Variants in TIAM2 observed in about 807,000 individuals in gnomAD.
The protein encoded by TIAM2 is TIAM Rac1 associated GEF 2.
Under a neutral mutation model 152.9 loss-of-function variants are expected in TIAM2, and 80 were observed. The ratio of observed to expected loss-of-function variants is 0.52; its 90% CI spans 0.44 to 0.63. The LOEUF is 0.63. Among genes scored for constraint, TIAM2 ranks in the 30% least tolerant of loss-of-function variants. The pLI, the probability that TIAM2 is intolerant of heterozygous loss-of-function variation, is 0.00. For synonymous variants in TIAM2, 804 were observed against 838.0 expected, an observed-to-expected ratio of 0.96 and a Z score of 0.70; for missense variants, 1,965 against 2,120.1, an observed-to-expected ratio of 0.93 and a Z score of 1.44.
At chr6:155,006,560 G>A (rs2475870) in intron 1 of TIAM2, among the ~76,000 whole-genome samples, 80,866 of 150,972 alleles carry the variant, frequency 0.54, 25,066 homozygotes, top group East Asian at 0.75. Flanking sequence ...CAAATACACA[G>A]GAGGCTGAGG....
intron 1 of TIAM2, among the ~76,000 whole-genome samples, chr6:155,053,212 G>A (rs888775060): frequency 7.2e-5 from 11 of 152,222 alleles, no homozygotes; most frequent in Non-Finnish European, 1.2e-4. Context: ...TTACAGTAAA[G>A]TATATATTTG....
chr6:155,231,121 C>T lies in TIAM2; in HGVS notation c.3169-9409C>T, dbSNP rs1482395056. Among the ~76,000 whole-genome samples the T allele has an allele frequency of 5.9e-5, 9 of 152,208 alleles. No homozygotes were observed. The South Asian group carries it at 6.2e-4, about 11-fold the overall frequency. On this transcript the variant is annotated intron_variant, in intron 15 of 26. Transcript: ENST00000682666. ...CCTCCCAGAGTGCTGGGATTATAGGCGTGAGCCACTGCACCCGGCCCTACT... is the reference window on the plus strand; with the variant it reads ...CCTCCCAGAGTGCTGGGATTATAGGTGTGAGCCACTGCACCCGGCCCTACT...
chr6:155,221,497 T>G lies in TIAM2; in HGVS notation c.3168+10190T>G, dbSNP rs1206715479. Among the ~76,000 whole-genome samples, 3 of 152,308 alleles carry G rather than the reference T, an allele frequency of 2.0e-5. No individual in the cohort carries two copies. The East Asian group carries it at 5.8e-4, about 29-fold the overall frequency. On this transcript the variant is annotated intron_variant, in intron 15 of 26. Transcript: ENST00000682666. ...ACAGGCTTCTCCTTTTTCTCTCCAT[T>G]GAAACAGCGGGTGCCATGGTTTTGC...
intron 5 of TIAM2, among the ~76,000 whole-genome samples, chr6:155,140,236 T>C (rs1417007957): frequency 6.6e-6 from 1 of 152,114 alleles, no homozygotes; most frequent in East Asian, 1.9e-4. Flanking sequence ...TGTTAGGAAA[T>C]GAGAAATTGA....
chr6:155,215,092 G>C (rs899524871), intron 15 of TIAM2, among the ~76,000 whole-genome samples: 1 of 152,160 alleles, frequency 6.6e-6, no homozygotes, highest in Non-Finnish European at 1.5e-5. Flanking sequence ...ACGACTTCTC[G>C]TCTCTTATGA....
rs869241399 is a variant in TIAM2 at position 155,114,036 on chromosome 6, ATTTTTTTTTT to A, written c.-117-13450_-117-13441del. Among the ~76,000 whole-genome samples the A allele has an allele frequency of 3.5e-3, 123 of 34,864 alleles. 2 individuals are homozygous for A. Among genetic ancestry groups the A allele is most frequent in the African/African-American group, 0.011 (97 of 8,884 alleles). The allele number at this position is 34,864 out of a possible 152,430, so 22.9% of individuals were successfully genotyped here. ...ACTTTATATATATATATATATATAT[ATTTTTTTTTT>A]TTTCTTTTTTTTTTTTTTTTTTTTT... is the stretch of plus-strand genomic sequence containing the variant. On this transcript the variant is annotated intron_variant, in intron 2 of 26. Coordinates refer to ENST00000682666, the MANE Select transcript of TIAM2 (RefSeq NM_012454.4).
intron 15 of TIAM2, among the ~76,000 whole-genome samples, chr6:155,219,771 G>C (rs1183254881): frequency 6.6e-6 from 1 of 152,150 alleles, no homozygotes; most frequent in Non-Finnish European, 1.5e-5. Context: ...AGACATTACT[G>C]TGGCATAAAG....
At position 155,029,410 on chromosome 6, in the gene TIAM2, A is replaced by G. The variant is rs866198595; in HGVS notation, c.-209+33918A>G. Among the ~76,000 whole-genome samples, 33 of 83,202 alleles carry G rather than the reference A, an allele frequency of 4.0e-4. 3 individuals carry two copies. The highest frequency in any genetic ancestry group is 1.5e-3 in the South Asian group (5 of 3,234). 54.6% of individuals were successfully genotyped at this position (83,202 alleles called of 152,430 possible). Reference sequence around the variant, plus strand: ...TTATATATATACTATAGTATATATAATATATACTATATATACTATAGTATA... The same window carrying G: ...TTATATATATACTATAGTATATATAGTATATACTATATATACTATAGTATA... On this transcript the variant is annotated intron_variant, in intron 1 of 26. Transcript: ENST00000682666.
intron 1 of TIAM2, among the ~76,000 whole-genome samples, chr6:155,086,717 A>AAG (rs1290178618): frequency 6.6e-6 from 1 of 150,914 alleles, no homozygotes; most frequent in Non-Finnish European, 1.5e-5. Flanking sequence ...GGAAAAAAAA[A>AAG]AAAAAAACCC....
chr6:155,011,219 C>T (rs1778484784), intron 1 of TIAM2, among the ~76,000 whole-genome samples: 1 of 152,154 alleles, frequency 6.6e-6, no homozygotes, highest in Non-Finnish European at 1.5e-5. Flanking sequence ...GTCTTTACAA[C>T]TCCTCACTTT....
chr6:155,203,065 AAAAAAG>A (rs1377008525), intron 14 of TIAM2, among the ~76,000 whole-genome samples: 1 of 151,008 alleles, frequency 6.6e-6, no homozygotes, highest in Non-Finnish European at 1.5e-5. Flanking sequence ...AAAAAAAAAA[AAAAAAG>A]AGAAAGATTT....
chr6:155,210,074 CA>C (rs1029899312), intron 14 of TIAM2, among the ~76,000 whole-genome samples: 5 of 152,090 alleles, frequency 3.3e-5, no homozygotes, highest in Non-Finnish European at 7.4e-5. Context: ...CTATCAAATA[CA>C]AGAATTACAA....
intron 1 of TIAM2, among the ~76,000 whole-genome samples, chr6:154,997,581 A>G (rs1388752913): frequency 1.4e-5 from 2 of 147,396 alleles, no homozygotes; most frequent in African/African-American, 2.5e-5. Context: ...ATGTAATAGG[A>G]GCTCAGTTAA....
intron 9 of TIAM2, among the ~76,000 whole-genome samples, chr6:155,175,802 G>A (rs747757761): frequency 2.0e-5 from 3 of 152,192 alleles, no homozygotes; most frequent in Non-Finnish European, 4.4e-5. Context: ...GTCAGCAATT[G>A]TTGTGATGAT....
chr6:155,061,312 G>A (rs1777574997), intron 1 of TIAM2, among the ~76,000 whole-genome samples: 1 of 151,882 alleles, frequency 6.6e-6, no homozygotes, highest in Non-Finnish European at 1.5e-5. Flanking sequence ...AGTTCATACT[G>A]CTATCTCTAA....
chr6:155,026,028 T>C (rs1201087789), intron 1 of TIAM2, among the ~76,000 whole-genome samples: 5 of 152,098 alleles, frequency 3.3e-5, no homozygotes, highest in African/African-American at 1.2e-4. Context: ...TCTTGAATGG[T>C]TCTTTCTTGC....
At chr6:155,023,042 G>GTTTTT (rs762200760) in intron 1 of TIAM2, among the ~76,000 whole-genome samples, 5 of 88,262 alleles carry the variant, frequency 5.7e-5, no homozygotes, top group African/African-American at 7.6e-5. Flanking sequence ...TTTTTGTTCT[G>GTTTTT]TTTTTTTTTT....
intron 15 of TIAM2, among the ~76,000 whole-genome samples, chr6:155,235,438 T>C (rs1239677784): frequency 6.6e-6 from 1 of 152,208 alleles, no homozygotes; most frequent in Non-Finnish European, 1.5e-5. Context: ...CATATATGCA[T>C]GTGAAGATAT....
In TIAM2 at chr6:154,998,580, A is replaced by C. The variant is rs140905734; in HGVS notation, c.-209+3088A>C. Among the ~76,000 whole-genome samples, 243 of 152,346 alleles carry C rather than the reference A, an allele frequency of 1.6e-3. 1 individual carries two copies. The highest frequency in any genetic ancestry group is 5.7e-3 in the African/African-American group (235 of 41,576). On this transcript the variant is annotated intron_variant, in intron 1 of 26. Coordinates refer to ENST00000682666, the MANE Select transcript of TIAM2 (RefSeq NM_012454.4). ...TGGTGGCATTTTTCAAGCTACAATC[A>C]ATATGTGAATTATCATGCAAGCATT...
Sources: allele counts gnomAD v4.1 joint callset (sites outside exome capture counted in the v4.1 genomes callset), GRCh38; gene constraint gnomAD v4.1.1; transcripts MANE v1.5; gene names NCBI Gene and HGNC (gene_info 2026-07-23, HGNC 2026-07-21).